The following PCDHGB1 variants were observed in gnomAD, a reference collection of about 807,000 sequenced individuals.
PCDHGB1 encodes protocadherin gamma subfamily B, 1, also known as protocadherin gamma-B1.
Under a neutral mutation model 56.6 loss-of-function variants are expected in PCDHGB1, and 34 were observed. The ratio of observed to expected loss-of-function variants is 0.60; its 90% CI spans 0.46 to 0.80. The LOEUF (loss-of-function observed/expected upper bound fraction) is 0.80, where lower values mean the gene tolerates loss of function less well. Among genes scored for constraint, PCDHGB1 ranks in the 30% least tolerant of loss-of-function variants. The pLI is 0.00. For synonymous variants in PCDHGB1, 561 were observed against 505.9 expected, an observed-to-expected ratio of 1.11 and a Z score of -1.46; for missense variants, 1,278 against 1,204.6, an observed-to-expected ratio of 1.06 and a Z score of -0.90.
chr5:141,428,563 G>A, intron 1 of PCDHGB1: 2 of 237,566 alleles, frequency 8.4e-6, no homozygotes, highest in East Asian at 1.1e-4. Flanking sequence ...CCCCCCACAA[G>A]ATCTTTCTAA....
chr5:141,431,609 G>A lies in PCDHGB1; in HGVS notation c.2410-63198G>A. The A allele has an allele frequency of 6.2e-7, 1 of 1,614,232 alleles. No homozygotes were observed. The highest frequency in any genetic ancestry group is 8.5e-7 in the Non-Finnish European group (1 of 1,180,046). On this transcript the variant is annotated intron_variant, in intron 1 of 3. Coordinates refer to ENST00000523390, the MANE Select transcript of PCDHGB1 (RefSeq NM_018922.3). The surrounding 1 kb of genome is among the most constrained non-coding windows in gnomAD (Gnocchi z 4.8). ...GGAAGTGAGGTATTCCTTCCGGTAT[G>A]TGGACGACAAGGCGGCCCAAGTTTT...
intron 1 of PCDHGB1, among the ~76,000 whole-genome samples, chr5:141,483,294 T>G (rs1392406131): frequency 2.0e-5 from 3 of 152,100 alleles, no homozygotes; most frequent in Non-Finnish European, 4.4e-5. Flanking sequence ...CAGTCATAAG[T>G]GAAGGGACTG....
intron 1 of PCDHGB1, among the ~76,000 whole-genome samples, chr5:141,439,635 C>T (rs1326926948): frequency 3.3e-5 from 5 of 152,274 alleles, no homozygotes; most frequent in Middle Eastern, 3.4e-3. Context: ...CCAGACATTC[C>T]GGCTTGGTGG....
chr5:141,405,407 CTTTT>C (rs762612492), intron 1 of PCDHGB1: 1 of 1,581,924 alleles, frequency 6.3e-7, no homozygotes, highest in Non-Finnish European at 8.6e-7. Flanking sequence ...TCTTTCTTTT[CTTTT>C]TTTGTTTTTT....
intron 1 of PCDHGB1, chr5:141,362,035 G>T (rs1246386759): frequency 1.2e-6 from 2 of 1,609,742 alleles, no homozygotes; most frequent in African/African-American, 1.3e-5. Context: ...TGCCTTGGGC[G>T]ACAGGGACGC....
At position 141,430,761 on chromosome 5, in the gene PCDHGB1, T is replaced by C. The variant is rs769012885; in HGVS notation, c.2410-64046T>C. The C allele has an allele frequency of 2.0e-6, 3 of 1,506,132 alleles. No individual in the cohort carries two copies. The African/African-American group carries it at 4.2e-5, about 21-fold the overall frequency. The allele number at this position is 1,506,132 out of a possible 1,614,324, so 93.3% of individuals were successfully genotyped here. ...AAATAATTCTGGAGGAAGATAAGAATGATTCCTGCGCGACTGCACCGGGAC... is the reference window on the plus strand; with the variant it reads ...AAATAATTCTGGAGGAAGATAAGAACGATTCCTGCGCGACTGCACCGGGAC... On this transcript the variant is annotated intron_variant, in intron 1 of 3. Coordinates refer to ENST00000523390, the MANE Select transcript of PCDHGB1 (RefSeq NM_018922.3).
intron 1 of PCDHGB1, 177 bp from the exon 2 acceptor site, chr5:141,494,630 C>T (rs991482599): frequency 5.8e-6 from 5 of 866,562 alleles, no homozygotes; most frequent in Non-Finnish European, 6.9e-6. Flanking sequence ...GTACCTCAGA[C>T]CTCTGAGACC....
At chr5:141,376,175 G>A (rs551078264) in intron 1 of PCDHGB1, 5 of 1,614,148 alleles carry the variant, frequency 3.1e-6, no homozygotes, top group African/African-American at 1.3e-5. Flanking sequence ...GGTGGCGGTG[G>A]CCGCGGTCTC....
At position 141,486,881 on chromosome 5, in the gene PCDHGB1, G is replaced by T. The variant is rs114512641; in HGVS notation, c.2410-7926G>T. The T allele has an allele frequency of 1.3e-5, 21 of 1,614,090 alleles. No homozygotes were observed. The East Asian group carries it at 4.7e-4, about 36-fold the overall frequency. ...TGCTCCAGCTGTGCTCCGTCCTCGG[G>T]CCCGGCCTGGTTCCTTATGTCCCCA... is the stretch of plus-strand genomic sequence containing the variant. On this transcript the variant is annotated intron_variant, in intron 1 of 3. Coordinates refer to ENST00000523390, the MANE Select transcript of PCDHGB1 (RefSeq NM_018922.3). This position sits in a 1 kb window ranked among gnomAD's most constrained non-coding sequence, Gnocchi z 5.0.
Position 141,364,754 on chromosome 5 carries a change from G to T in PCDHGB1, c.2409+12085G>T. ...CCGGGATGAAGAGTTAAAAGTAAAA[G>T]TTAATGAAAATGCGGCTGCAGGGAC... On this transcript the variant is annotated intron_variant, in intron 1 of 3. Transcript: ENST00000523390. The T allele has an allele frequency of 6.2e-7, 1 of 1,613,988 alleles. No individual in the cohort carries two copies. The highest frequency in any genetic ancestry group is 8.5e-7 in the Non-Finnish European group (1 of 1,179,900).
chr5:141,427,287 A>G (rs1030754713), intron 1 of PCDHGB1: 2 of 456,716 alleles, frequency 4.4e-6, no homozygotes, highest in African/African-American at 4.0e-5. Flanking sequence ...TATACTAGAA[A>G]TCCTAGATGA....
chr5:141,376,393 C>T, intron 1 of PCDHGB1: 1 of 1,614,222 alleles, frequency 6.2e-7, no homozygotes, highest in Non-Finnish European at 8.5e-7. Context: ...ATCTGATTTT[C>T]CCCCAGCCCA....
At chr5:141,503,902 C>T (rs552180745) in intron 2 of PCDHGB1, among the ~76,000 whole-genome samples, 7 of 152,328 alleles carry the variant, frequency 4.6e-5, no homozygotes, top group African/African-American at 1.7e-4. Context: ...AATATGCACA[C>T]ACACAACGCA....
chr5:141,446,821 T>C lies in PCDHGB1; in HGVS notation c.2410-47986T>C, dbSNP rs183143971. ...CATTGTGATCATCTAGTCAGATGGG[T>C]AGATCCTTATAAGGCTGAGCATAAT... On this transcript the variant is annotated intron_variant, in intron 1 of 3. Coordinates refer to ENST00000523390, the MANE Select transcript of PCDHGB1 (RefSeq NM_018922.3). 1.6e-3 allele frequency among the ~76,000 whole-genome samples: 244 copies of C among 152,302 alleles called. 2 individuals carry two copies. The highest frequency in any genetic ancestry group is 5.4e-3 in the African/African-American group (223 of 41,572).
rs1168649993 is a variant in PCDHGB1, at chr5:141,432,243, C to G, written c.2410-62564C>G. On this transcript the variant is annotated intron_variant, in intron 1 of 3. Transcript: ENST00000523390. The surrounding 1 kb of genome is among the most constrained non-coding windows in gnomAD (Gnocchi z 6.0). ...ATCACTTATTCCCTGGCTGAGAACA[C>G]CATCCAAGGGGCAAGCCTATCGTCC... 1 of 1,614,244 alleles carries G rather than the reference C, an allele frequency of 6.2e-7. No individual in the cohort carries two copies. Among genetic ancestry groups the G allele is most frequent in the Non-Finnish European group, 8.5e-7 (1 of 1,180,050 alleles).
At chr5:141,352,734 A>G in intron 1 of PCDHGB1, 65 bp downstream of exon 1, 1 of 1,506,098 alleles carries the variant, frequency 6.6e-7, no homozygotes. Flanking sequence ...TCAAGCCTGT[A>G]ATCCCAGCAC....
At chr5:141,385,389 C>T in intron 1 of PCDHGB1, 2 of 1,506,522 alleles carry the variant, frequency 1.3e-6, no homozygotes, top group Non-Finnish European at 1.8e-6. Flanking sequence ...TATTATTTTG[C>T]AAAACAAATG....
In PCDHGB1 at chr5:141,418,429, A is replaced by G. The variant is rs765952024; in HGVS notation, c.2409+65760A>G. ...AGAAAGACAATCCTGATGGTGGCAAATATCCAGAATTAGTATTGCAGAAGA... is the reference window on the plus strand; with the variant it reads ...AGAAAGACAATCCTGATGGTGGCAAGTATCCAGAATTAGTATTGCAGAAGA... On this transcript the variant is annotated intron_variant, in intron 1 of 3. Transcript: ENST00000523390. 8.7e-6 allele frequency: 14 copies of G among 1,613,972 alleles called. No homozygotes were observed. In the South Asian group the frequency reaches 1.5e-4, roughly 18 times the overall value.
chr5:141,451,284 G>A (rs950768919), intron 1 of PCDHGB1, among the ~76,000 whole-genome samples: 1 of 152,186 alleles, frequency 6.6e-6, no homozygotes. Context: ...GAGTGCCTCT[G>A]CCTCAAAGTC....
Sources: gnomAD v4.1 joint callset for allele counts (sites outside exome capture counted in the v4.1 genomes callset) on GRCh38, gnomAD v4.1.1 for gene constraint, Gnocchi (gnomAD v3.1) non-coding constraint, MANE v1.5 for transcripts, NCBI Gene and HGNC (gene_info 2026-07-23, HGNC 2026-07-21) for gene names.